Variants in PLXNA4 observed in about 807,000 individuals in gnomAD.
PLXNA4 encodes the protein plexin A4.
In PLXNA4, 44 loss-of-function variants were observed where a neutral mutation model predicts 191.8. That is an observed-to-expected ratio of 0.23 (90% CI 0.18 to 0.29). PLXNA4 has a LOEUF of 0.29. Among genes scored for constraint, PLXNA4 ranks in the 10% least tolerant of loss-of-function variants. The pLI is 1.00. For missense variants in PLXNA4, 1,800 were observed against 2,488.8 expected (o/e 0.72, Z 5.89); for synonymous variants, 1,082 against 1,009.5 (o/e 1.07, Z -1.36).
intron 3 of PLXNA4, among the ~76,000 whole-genome samples, chr7:132,311,202 G>GTGTGCGTGCGT (rs1554411105): frequency 6.6e-6 from 1 of 151,068 alleles, no homozygotes; most frequent in African/African-American, 2.4e-5. Flanking sequence ...GTGCGCGTGT[G>GTGTGCGTGCGT]GCCTAAAGGA....
intron 2 of PLXNA4, among the ~76,000 whole-genome samples, chr7:132,587,541 T>C (rs1366368746): frequency 6.6e-6 from 1 of 152,240 alleles, no homozygotes; most frequent in African/African-American, 2.4e-5. Context: ...AGACGTTTGT[T>C]GTTCTGTATT....
At chr7:132,181,758 C>T in intron 17 of PLXNA4, 138 bp from the exon 18 acceptor site, 1 of 1,433,916 alleles carries the variant, frequency 7.0e-7, no homozygotes, top group Admixed American at 2.6e-5. Context: ...CAGGGCCACA[C>T]AATTGGGCAC....
At chr7:132,168,627 C>T (rs1486170246) in intron 21 of PLXNA4, 55 bp from the exon 22 acceptor site, 3 of 1,520,334 alleles carry the variant, frequency 2.0e-6, no homozygotes, top group South Asian at 2.6e-5. Context: ...AGCTCAGTGA[C>T]CTCCCCACGG....
rs560669573 is a variant in PLXNA4 at position 132,267,505 on chromosome 7, T to G, written c.1504-26339A>C. On this transcript the variant is annotated intron_variant, in intron 4 of 31. Transcript: ENST00000321063. The stretch of plus-strand genomic sequence containing the variant: ...TGAGTCTAGACACACATGCCCCAAA[T>G]AGTCTTGGTAGAGGCTTCCCAGGGT... Among the ~76,000 whole-genome samples the G allele has an allele frequency of 9.2e-5, 14 of 152,274 alleles. No homozygotes were observed. The South Asian group carries it at 2.9e-3, about 32-fold the overall frequency.
intron 2 of PLXNA4, among the ~76,000 whole-genome samples, chr7:132,491,163 T>C (rs1047057882): frequency 3.3e-5 from 5 of 152,250 alleles, no homozygotes; most frequent in African/African-American, 1.2e-4. Flanking sequence ...TCCCCGCTCT[T>C]TGATGGGCTA....
rs116573927 is a variant in PLXNA4, at chr7:132,397,169, C to A, written c.1371+92123G>T. On this transcript the variant is annotated intron_variant, in intron 3 of 31. Transcript: ENST00000321063. ...TAGAAGATAAAAGCGCAGGAACCAG[C>A]ATGAATGAAGTTGGTTTTTAAGAGA... 3.1e-3 allele frequency among the ~76,000 whole-genome samples: 475 copies of A among 152,342 alleles called. 4 individuals carry two copies. Among genetic ancestry groups the A allele is most frequent in the African/African-American group, 0.011 (451 of 41,580 alleles).
Position 132,123,686 on chromosome 7 carries a change from T to G in PLXNA4, c.*6793A>C, listed in dbSNP as rs1794695326. On this transcript the variant is annotated 3_prime_UTR_variant, in exon 32 of 32. Coordinates refer to ENST00000321063, the MANE Select transcript of PLXNA4 (RefSeq NM_020911.2). ...TGCTTTGCTTTGTTCTAACAAAGGG[T>G]CAATGTTCGAGGTGGGAGCTTTAGT... The G allele has an allele frequency of 6.6e-6, 1 of 152,156 alleles. No individual in the cohort carries two copies. The highest frequency in any genetic ancestry group is 2.1e-4 in the South Asian group (1 of 4,820). The allele number at this position is 152,156 out of a possible 1,614,324, so 9.4% of individuals were successfully genotyped here. A position where few individuals can be genotyped will look rare whatever the true frequency, so the allele number is the denominator to read the frequency against.
intron 3 of PLXNA4, among the ~76,000 whole-genome samples, chr7:132,465,421 A>ATT (rs1796662817): frequency 6.6e-6 from 1 of 152,246 alleles, no homozygotes; most frequent in Non-Finnish European, 1.5e-5. Flanking sequence ...TCTAAACTCT[A>ATT]AAAAGTTTTA....
intron 2 of PLXNA4, among the ~76,000 whole-genome samples, chr7:132,623,203 G>A (rs566467938): frequency 1.6e-4 from 24 of 152,048 alleles, no homozygotes; most frequent in Admixed American, 1.2e-3. Flanking sequence ...AAAATTAGCC[G>A]GGCGTGGCAG....
intron 3 of PLXNA4, among the ~76,000 whole-genome samples, chr7:132,449,040 C>A (rs1796017652): frequency 6.8e-6 from 1 of 146,610 alleles, no homozygotes; most frequent in Non-Finnish European, 1.5e-5. Context: ...GGATTGGTGG[C>A]AAACCACTGG....
At chr7:132,276,426 C>A (rs1199406243) in intron 4 of PLXNA4, among the ~76,000 whole-genome samples, 1 of 152,164 alleles carries the variant, frequency 6.6e-6, no homozygotes, top group Non-Finnish European at 1.5e-5. Context: ...CTACTCCCAC[C>A]CTTTTCTGCA....
chr7:132,507,049 C>T (rs970906808), intron 2 of PLXNA4, among the ~76,000 whole-genome samples: 1 of 152,124 alleles, frequency 6.6e-6, no homozygotes, highest in Admixed American at 6.5e-5. Flanking sequence ...AGGATGACTC[C>T]TCACATTCTC....
At chr7:132,155,904 G>A (rs368072069) in intron 25 of PLXNA4, among the ~76,000 whole-genome samples, 1 of 152,078 alleles carries the variant, frequency 6.6e-6, no homozygotes, top group Non-Finnish European at 1.5e-5. Flanking sequence ...TCTCCATAAT[G>A]TAGGTGGGCC....
intron 3 of PLXNA4, among the ~76,000 whole-genome samples, chr7:132,343,381 A>G (rs1803114074): frequency 6.6e-6 from 1 of 152,084 alleles, no homozygotes; most frequent in Non-Finnish European, 1.5e-5. Flanking sequence ...GAAACTCTAC[A>G]CTCATTAAAT....
intron 3 of PLXNA4, among the ~76,000 whole-genome samples, chr7:132,460,125 G>T (rs1796452165): frequency 1.3e-5 from 2 of 152,130 alleles, no homozygotes; most frequent in Admixed American, 6.5e-5. Context: ...AGGCCGAGTT[G>T]AGGGGATCGC....
At chr7:132,501,055 G>A (rs1402354504) in intron 2 of PLXNA4, among the ~76,000 whole-genome samples, 2 of 152,156 alleles carry the variant, frequency 1.3e-5, no homozygotes, top group Admixed American at 6.5e-5. Context: ...CAAGAGGTCT[G>A]GCTTCCCATT....
chr7:132,135,862 G>C (rs1408866702), intron 30 of PLXNA4, among the ~76,000 whole-genome samples: 7 of 152,074 alleles, frequency 4.6e-5, no homozygotes, highest in Non-Finnish European at 1.0e-4. Context: ...CTTTGCACTG[G>C]GGAGGCTGGA....
chr7:132,539,574 G>A (rs1799984657), intron 1 of PLXNA4, among the ~76,000 whole-genome samples: 1 of 152,192 alleles, frequency 6.6e-6, no homozygotes, highest in Admixed American at 6.5e-5. Flanking sequence ...TTATAGTCCG[G>A]CTAGCTGCAC....
chr7:132,440,815 T>C (rs1795672389), intron 3 of PLXNA4, among the ~76,000 whole-genome samples: 1 of 152,216 alleles, frequency 6.6e-6, no homozygotes, highest in African/African-American at 2.4e-5. Context: ...TCTGACTCTC[T>C]TGGCAGAAAA....
Sources: gnomAD v4.1 joint callset for allele counts (sites outside exome capture counted in the v4.1 genomes callset) on GRCh38, gnomAD v4.1.1 for gene constraint, MANE v1.5 for transcripts, NCBI Gene and HGNC (gene_info 2026-07-23, HGNC 2026-07-21) for gene names.